Variants in ADAMTS3 observed in about 807,000 individuals in gnomAD.
The protein encoded by ADAMTS3 is A disintegrin and metalloproteinase with thrombospondin motifs 3.
In ADAMTS3, 73 loss-of-function variants were observed where a neutral mutation model predicts 129.0. That is an observed-to-expected ratio of 0.57 (90% CI 0.47 to 0.69). The LOEUF (loss-of-function observed/expected upper bound fraction) is 0.69. ADAMTS3 is among the 30% of genes least tolerant of loss of function. The pLI, the probability that ADAMTS3 is intolerant of heterozygous loss-of-function variation, is 0.00. For missense variants in ADAMTS3, 1,457 were observed against 1,514.5 expected (o/e 0.96, Z 0.63); for synonymous variants, 477 against 510.8 (o/e 0.93, Z 0.89).
intron 5 of ADAMTS3, among the ~76,000 whole-genome samples, chr4:72,328,142 G>T (rs914987378): frequency 2.6e-5 from 4 of 152,180 alleles, no homozygotes; most frequent in African/African-American, 9.7e-5. Context: ...ATTGGACCAT[G>T]GGTAGATTTT....
At chr4:72,556,849 G>A (rs1231359916) in intron 2 of ADAMTS3, among the ~76,000 whole-genome samples, 1 of 151,694 alleles carries the variant, frequency 6.6e-6, no homozygotes, top group Non-Finnish European at 1.5e-5. Context: ...TCTAACTAGA[G>A]CTATAGAAAA....
At chr4:72,354,626 T>A (rs1375660872) in intron 4 of ADAMTS3, among the ~76,000 whole-genome samples, 1 of 151,960 alleles carries the variant, frequency 6.6e-6, no homozygotes, top group South Asian at 2.1e-4. Context: ...AAATTACACA[T>A]CCTGAGTTAC....
rs539933330 is a variant in ADAMTS3 at position 72,522,272 on chromosome 4, CACA to C, written c.504+26203_504+26205del. Among the ~76,000 whole-genome samples the C allele has an allele frequency of 2.7e-3, 418 of 152,280 alleles. 3 individuals carry two copies. The highest frequency in any genetic ancestry group is 9.6e-3 in the African/African-American group (400 of 41,566). ...TAGGACAAATTTCATCCTCAATATT[CACA>C]ACAAGATCTTGATCTTTTTAGCACC... On this transcript the variant is annotated intron_variant, in intron 3 of 21. Coordinates refer to ENST00000286657, the MANE Select transcript of ADAMTS3 (RefSeq NM_014243.3).
intron 3 of ADAMTS3, among the ~76,000 whole-genome samples, chr4:72,488,177 T>C (rs788919): frequency 0.27 from 40,646 of 151,762 alleles, 5,539 homozygotes; most frequent in Middle Eastern, 0.33. Context: ...CCCTATGCTT[T>C]GTGGTCTTGA....
rs561482557 is a variant in ADAMTS3, at chr4:72,286,119, G to A, written c.3050-2415C>T. Among the ~76,000 whole-genome samples the A allele has an allele frequency of 1.5e-4, 23 of 152,264 alleles. No homozygotes were observed. The South Asian group carries it at 4.6e-3, about 30-fold the overall frequency. On this transcript the variant is annotated intron_variant, in intron 21 of 21. Transcript: ENST00000286657. ...GTTAAGCTATCTTATTAGCTCCCTGGTTTTATATTCAAAACAATTTCTTCT... is the reference window on the plus strand; with the variant it reads ...GTTAAGCTATCTTATTAGCTCCCTGATTTTATATTCAAAACAATTTCTTCT...
intron 3 of ADAMTS3, among the ~76,000 whole-genome samples, chr4:72,454,784 G>T (rs998354608): frequency 6.6e-6 from 1 of 151,646 alleles, no homozygotes; most frequent in South Asian, 2.1e-4. Context: ...GAGAAACAGG[G>T]TTTGAAGCCT....
chr4:72,351,682 A>G (rs922438222), intron 4 of ADAMTS3, among the ~76,000 whole-genome samples: 6 of 148,828 alleles, frequency 4.0e-5, no homozygotes, highest in African/African-American at 1.5e-4. Context: ...AGTAGCAAAG[A>G]AAAAAAAAAG....
intron 3 of ADAMTS3, among the ~76,000 whole-genome samples, chr4:72,504,479 A>C (rs1228001139): frequency 6.6e-6 from 1 of 151,700 alleles, no homozygotes; most frequent in Middle Eastern, 3.2e-3. Context: ...CTGACCTTTT[A>C]CTCTGGTTAC....
intron 2 of ADAMTS3, among the ~76,000 whole-genome samples, chr4:72,551,527 T>A (rs1409403509): frequency 1.3e-5 from 2 of 152,162 alleles, no homozygotes; most frequent in African/African-American, 2.4e-5. Flanking sequence ...TGTTGGCAAT[T>A]AAGGTAATGA....
At chr4:72,375,979 GAGA>G (rs1721124533) in intron 4 of ADAMTS3, among the ~76,000 whole-genome samples, 1 of 152,116 alleles carries the variant, frequency 6.6e-6, no homozygotes, top group Non-Finnish European at 1.5e-5. Context: ...AATTTATATG[GAGA>G]AGAAGAAAAG....
intron 4 of ADAMTS3, among the ~76,000 whole-genome samples, chr4:72,372,843 G>T (rs1401168495): frequency 6.6e-6 from 1 of 152,182 alleles, no homozygotes; most frequent in Non-Finnish European, 1.5e-5. Flanking sequence ...ATAGTTTTAT[G>T]TAAACATTTC....
chr4:72,290,813 A>G, intron 20 of ADAMTS3, 42 bp downstream of exon 20: 1 of 1,584,122 alleles, frequency 6.3e-7, no homozygotes. Flanking sequence ...ACATGCTTAC[A>G]CACACACTTT....
chr4:72,387,940 C>T, intron 4 of ADAMTS3, among the ~76,000 whole-genome samples: 1 of 152,060 alleles, frequency 6.6e-6, no homozygotes, highest in East Asian at 1.9e-4. Context: ...AAGTAGTTTT[C>T]TAAGATCAAA....
intron 4 of ADAMTS3, among the ~76,000 whole-genome samples, chr4:72,362,035 C>G (rs920785589): frequency 2.6e-5 from 4 of 152,000 alleles, no homozygotes; most frequent in Non-Finnish European, 5.9e-5. Flanking sequence ...CCCCATTATT[C>G]TTTTTCTAAT....
At chr4:72,381,988 G>A (rs142728252) in intron 4 of ADAMTS3, among the ~76,000 whole-genome samples, 1 of 152,070 alleles carries the variant, frequency 6.6e-6, no homozygotes, top group African/African-American at 2.4e-5. Context: ...TCAATTACAC[G>A]GACAGAATAA....
Position 72,538,596 on chromosome 4 carries a change from A to G in ADAMTS3, c.504+9882T>C, listed in dbSNP as rs149200279. 3.5e-3 allele frequency among the ~76,000 whole-genome samples: 534 copies of G among 152,266 alleles called. 7 individuals carry two copies. The highest frequency in any genetic ancestry group is 0.012 in the African/African-American group (518 of 41,562). On this transcript the variant is annotated intron_variant, in intron 3 of 21. Coordinates refer to ENST00000286657, the MANE Select transcript of ADAMTS3 (RefSeq NM_014243.3). ...AGATAAATACAGGCTGAAGGAGTTC[A>G]TTACCACTACACCTTCTGCAATAAA...
intron 4 of ADAMTS3, among the ~76,000 whole-genome samples, chr4:72,340,554 C>G (rs1661662336): frequency 6.6e-6 from 1 of 151,946 alleles, no homozygotes; most frequent in Non-Finnish European, 1.5e-5. Context: ...CAGAAAATAA[C>G]TTTTATTCAA....
chr4:72,512,197 T>C (rs143175387), intron 3 of ADAMTS3, among the ~76,000 whole-genome samples: 7 of 152,170 alleles, frequency 4.6e-5, no homozygotes, highest in African/African-American at 1.7e-4. Flanking sequence ...AAGACCTGGT[T>C]GGGTGCACTG....
intron 3 of ADAMTS3, among the ~76,000 whole-genome samples, chr4:72,417,318 A>G (rs1481146260): frequency 1.3e-5 from 2 of 152,194 alleles, no homozygotes; most frequent in Admixed American, 6.5e-5. Flanking sequence ...CGCAATGGCT[A>G]TTGCAGTCAC....
Sources: gnomAD v4.1 joint callset for allele counts (sites outside exome capture counted in the v4.1 genomes callset) on GRCh38, gnomAD v4.1.1 for gene constraint, MANE v1.5 for transcripts, NCBI Gene and HGNC (gene_info 2026-07-23, HGNC 2026-07-21) for gene names.